WDR59: variants seen among roughly 807,000 people sequenced by gnomAD.
The protein encoded by WDR59 is WD repeat domain 59.
A neutral mutation model predicts 131.2 loss-of-function variants in WDR59; 100 were observed. That is an observed-to-expected ratio of 0.76 (90% CI 0.65 to 0.90). The LOEUF (loss-of-function observed/expected upper bound fraction) is 0.90. Ranked by LOEUF, WDR59 falls within the 40% of genes least tolerant of loss-of-function variation. The pLI is 0.00. For synonymous variants in WDR59, 601 were observed against 466.2 expected, an observed-to-expected ratio of 1.29 and a Z score of -3.72; for missense variants, 1,203 against 1,262.2, an observed-to-expected ratio of 0.95 and a Z score of 0.71.
Position 74,916,156 on chromosome 16 carries a change from T to A in WDR59, c.1070A>T (p.Gln357Leu). The A allele has an allele frequency of 6.2e-7, 1 of 1,614,228 alleles. No individual in the cohort carries two copies. Among genetic ancestry groups the A allele is most frequent in the Non-Finnish European group, 8.5e-7 (1 of 1,180,034 alleles). The change falls in exon 12 of 26, where the codon CAG becomes CTG. Residue 357 changes from glutamine (Q) to leucine (L), a missense_variant. By Grantham distance (113) the Gln-to-Leu change is moderately radical. Transcript: ENST00000262144. ...KTLHTEDTDHQHTASHGEEEA... is the reference protein window; with the variant it reads ...KTLHTEDTDHLHTASHGEEEA... ...TTCCTCCCCATGGCTTGCAGTGTGC[T>A]GGTGATCTGTATCTTCAGTGTGCAG...
intron 1 of WDR59, chr16:74,984,761 A>G: frequency 3.0e-6 from 2 of 661,198 alleles, no homozygotes; most frequent in South Asian, 3.9e-5. Context: ...GAGCCCCGAA[A>G]CTCCGTCCAT....
chr16:74,917,666 G>A (rs189233882), intron 11 of WDR59, among the ~76,000 whole-genome samples: 29 of 151,980 alleles, frequency 1.9e-4, no homozygotes, highest in South Asian at 4.2e-4. Context: ...AAAATTAGCC[G>A]AGTGTGTTGG....
At chr16:74,912,830 A>T (rs1966166093) in intron 13 of WDR59, among the ~76,000 whole-genome samples, 1 of 152,196 alleles carries the variant, frequency 6.6e-6, no homozygotes, top group South Asian at 2.1e-4. Context: ...AAATAAAGGG[A>T]TGGGCTGTGG....
At chr16:74,924,871 T>G (rs973751478) in intron 8 of WDR59, among the ~76,000 whole-genome samples, 1 of 152,154 alleles carries the variant, frequency 6.6e-6, no homozygotes, top group Non-Finnish European at 1.5e-5. Context: ...TCCTCCCACC[T>G]CGGCCTCCCA....
chr16:74,910,031 G>C, intron 14 of WDR59, 114 bp from the exon 15 acceptor site: 1 of 855,378 alleles, frequency 1.2e-6, no homozygotes, highest in Non-Finnish European at 1.7e-6. Flanking sequence ...GTAGTGGTAC[G>C]ATCTCGGCTC....
At chr16:74,918,907 A>G (rs1217369661) in intron 10 of WDR59, among the ~76,000 whole-genome samples, 1 of 152,062 alleles carries the variant, frequency 6.6e-6, no homozygotes. Flanking sequence ...ACTCTTCAAT[A>G]TTTCATACAT....
rs1240473200 is a variant in WDR59, at chr16:74,954,826, T to G, written c.240+1649A>C. Among the ~76,000 whole-genome samples the G allele has an allele frequency of 3.9e-5, 6 of 152,218 alleles. No individual in the cohort carries two copies. In the East Asian group the frequency reaches 1.2e-3, roughly 29 times the overall value. ...ATACCTGCTATAACATGGATGAACTTCAAAACATTATGCTAAGTAAAAGAA... is the reference window on the plus strand; with the variant it reads ...ATACCTGCTATAACATGGATGAACTGCAAAACATTATGCTAAGTAAAAGAA... On this transcript the variant is annotated intron_variant, in intron 3 of 25. Coordinates refer to ENST00000262144, the MANE Select transcript of WDR59 (RefSeq NM_030581.4).
At chr16:74,897,792 C>T (rs1430870488) in intron 18 of WDR59, among the ~76,000 whole-genome samples, 1 of 152,200 alleles carries the variant, frequency 6.6e-6, no homozygotes, top group Non-Finnish European at 1.5e-5. Flanking sequence ...TAAGGGGCTG[C>T]AAAATACTGT....
In WDR59 at chr16:74,916,236, A is replaced by G; in HGVS notation, c.990T>C (p.Asp330=). ...MQRLCANDIL[D]GVDEFIESIS... Reference sequence around the variant, plus strand: ...TACTCTCAATGAACTCATCAACACCATCTAATATGTCATTTGCACAAAGCT... The same window carrying G: ...TACTCTCAATGAACTCATCAACACCGTCTAATATGTCATTTGCACAAAGCT... The change falls in exon 12 of 26, where the codon GAT becomes GAC. Residue 330 remains aspartate, a synonymous_variant. Transcript: ENST00000262144. 6.2e-7 allele frequency: 1 copy of G among 1,614,052 alleles called. No individual in the cohort carries two copies.
rs909797869 is a variant in WDR59, at chr16:74,899,651, G to T, written c.1866+4296C>A. 3.1e-6 allele frequency: 4 copies of T among 1,277,032 alleles called. No homozygotes were observed. In the Admixed American group the frequency reaches 9.3e-5, roughly 30 times the overall value. The allele number at this position is 1,277,032 out of a possible 1,614,324, so 79.1% of individuals were successfully genotyped here. A position where few individuals can be genotyped will look rare whatever the true frequency, so the allele number is the denominator to read the frequency against. On this transcript the variant is annotated intron_variant, in intron 18 of 25. Coordinates refer to ENST00000262144, the MANE Select transcript of WDR59 (RefSeq NM_030581.4). Reference sequence around the variant, plus strand: ...GTGGCATTTTATTCTTGGGCCTCGGGTAGAGACAGGATTAGTTAAGGAGAG... The same window carrying T: ...GTGGCATTTTATTCTTGGGCCTCGGTTAGAGACAGGATTAGTTAAGGAGAG...
intron 25 of WDR59, among the ~76,000 whole-genome samples, chr16:74,884,051 G>C (rs1214472277): frequency 6.6e-6 from 1 of 152,208 alleles, no homozygotes; most frequent in African/African-American, 2.4e-5. Flanking sequence ...AATCGTCCAA[G>C]TTTCATCTTT....
At chr16:74,926,502 C>G (rs950771658) in intron 8 of WDR59, among the ~76,000 whole-genome samples, 1 of 152,174 alleles carries the variant, frequency 6.6e-6, no homozygotes, top group Admixed American at 6.5e-5. Flanking sequence ...CTCCTTCTTA[C>G]AAAAGAAACC....
chr16:74,974,267 G>A (rs185459093), intron 1 of WDR59, among the ~76,000 whole-genome samples: 1 of 152,116 alleles, frequency 6.6e-6, no homozygotes, highest in Non-Finnish European at 1.5e-5. Flanking sequence ...GGTACTACTA[G>A]GTACGTCACC....
chr16:74,874,507 CTG>C, intron 25 of WDR59, 63 bp from the exon 26 acceptor site: 12 of 1,444,974 alleles, frequency 8.3e-6, no homozygotes, highest in African/African-American at 1.4e-5. Context: ...AAAAAGGAAA[CTG>C]GGGCTTGCCA....
chr16:74,980,073 C>A (rs1230655622), intron 1 of WDR59, among the ~76,000 whole-genome samples: 1 of 151,706 alleles, frequency 6.6e-6, no homozygotes, highest in Non-Finnish European at 1.5e-5. Context: ...GTTAGCCAGG[C>A]TGGTCTCGAC....
At chr16:74,969,191 G>T (rs1437687833) in intron 1 of WDR59, among the ~76,000 whole-genome samples, 3 of 152,202 alleles carry the variant, frequency 2.0e-5, no homozygotes, top group Non-Finnish European at 4.4e-5. Flanking sequence ...TTAAAGACAG[G>T]TTAGAGGTGT....
intron 4 of WDR59, 81 bp downstream of exon 4, chr16:74,951,377 G>T: frequency 7.4e-7 from 1 of 1,356,204 alleles, no homozygotes. Context: ...AGCCATGCAA[G>T]GAGGACGGCA....
intron 1 of WDR59, among the ~76,000 whole-genome samples, chr16:74,981,656 A>AT (rs1567450978): frequency 1.0e-4 from 3 of 29,542 alleles, no homozygotes; most frequent in African/African-American, 3.8e-4. Context: ...ATATATATAT[A>AT]TATATTTTTT....
At chr16:74,961,839 G>A (rs919195276) in intron 2 of WDR59, among the ~76,000 whole-genome samples, 1 of 152,090 alleles carries the variant, frequency 6.6e-6, no homozygotes, top group African/African-American at 2.4e-5. Context: ...ATTGCTTTTG[G>A]TGTTTTTGTC....
Sources: gnomAD v4.1 joint callset for allele counts (sites outside exome capture counted in the v4.1 genomes callset) on GRCh38, gnomAD v4.1.1 for gene constraint, MANE v1.5 for transcripts, NCBI Gene and HGNC (gene_info 2026-07-23, HGNC 2026-07-21) for gene names.